MYEF2: variants seen among roughly 807,000 people sequenced by gnomAD.
MYEF2 encodes myelin gene expression factor 2.
MYEF2 carries 37 observed loss-of-function variants against 75.2 expected under a neutral mutation model. The ratio of observed to expected loss-of-function variants is 0.49; its 90% CI spans 0.38 to 0.65. MYEF2 has a LOEUF of 0.65. Ranked by LOEUF, MYEF2 falls within the 30% of genes least tolerant of loss-of-function variation. The pLI is 0.00. For synonymous variants in MYEF2, 195 were observed against 241.6 expected (o/e 0.81, Z 1.79); for missense variants, 634 against 771.4 (o/e 0.82, Z 2.11).
chr15:48,156,589 T>A (rs867251355), intron 9 of MYEF2, among the ~76,000 whole-genome samples: 3 of 151,684 alleles, frequency 2.0e-5, no homozygotes. Flanking sequence ...GTTTTACACA[T>A]AATTTCTAGC....
At chr15:48,152,021 A>G in intron 11 of MYEF2, 79 bp from the exon 12 acceptor site, 1 of 1,415,426 alleles carries the variant, frequency 7.1e-7, no homozygotes, top group Non-Finnish European at 1.0e-6. Context: ...GTTAAATCTC[A>G]CCAGTAAGCT....
Position 48,136,546 on chromosome 15 carries a change from A to G in MYEF2, c.*6362T>C, listed in dbSNP as rs1447752920. The stretch of plus-strand genomic sequence containing the variant: ...AATCAAGTCTGGACAAATCTACAAA[A>G]CAAAAAATATCTAGAAATGTTTGAT... On this transcript the variant is annotated 3_prime_UTR_variant, in exon 17 of 17. Coordinates refer to ENST00000324324, the MANE Select transcript of MYEF2 (RefSeq NM_016132.5). The G allele has an allele frequency of 1.2e-6, 1 of 821,496 alleles. No homozygotes were observed. Among genetic ancestry groups the G allele is most frequent in the Non-Finnish European group, 1.8e-6 (1 of 548,354 alleles). 50.9% of individuals were successfully genotyped at this position (821,496 alleles called of 1,614,324 possible).
In MYEF2 at chr15:48,149,766, A is replaced by C. The variant is rs992519401; in HGVS notation, c.1379-395T>G. 1.3e-5 allele frequency: 2 copies of C among 155,122 alleles called. No individual in the cohort carries two copies. The highest frequency in any genetic ancestry group is 4.8e-5 in the African/African-American group (2 of 41,452). The allele number at this position is 155,122 out of a possible 1,614,324, so 9.6% of individuals were successfully genotyped here. On this transcript the variant is annotated intron_variant, in intron 14 of 16. Coordinates refer to ENST00000324324, the MANE Select transcript of MYEF2 (RefSeq NM_016132.5). This position sits in a 1 kb window ranked among gnomAD's most constrained non-coding sequence, Gnocchi z 4.0. ...TTATTTTTATTTTCCAATAATATCA[A>C]GCATAATAATTGCTAAAATAAAGAT... is the stretch of plus-strand genomic sequence containing the variant.
rs1334720772 is a variant in MYEF2, at chr15:48,143,918, A to G, written c.1640-847T>C. 3.3e-5 allele frequency among the ~76,000 whole-genome samples: 5 copies of G among 152,208 alleles called. 1 individual carries two copies. In the South Asian group the frequency reaches 1.0e-3, roughly 32 times the overall value. On this transcript the variant is annotated intron_variant, in intron 16 of 16. Transcript: ENST00000324324. ...TTGAGAGTAAAAGGGGGAGTTATCA[A>G]TAATTACACATAAGTAACAGATGTA...
intron 5 of MYEF2, among the ~76,000 whole-genome samples, chr15:48,164,448 C>G (rs1024281074): frequency 1.3e-5 from 2 of 152,152 alleles, no homozygotes; most frequent in African/African-American, 4.8e-5. Flanking sequence ...GGAATCTACA[C>G]CTGGTGAATA....
At position 48,142,307 on chromosome 15, in the gene MYEF2, C is replaced by G. The variant is rs756901608; in HGVS notation, c.*601G>C. On this transcript the variant is annotated 3_prime_UTR_variant, in exon 17 of 17. Coordinates refer to ENST00000324324, the MANE Select transcript of MYEF2 (RefSeq NM_016132.5). ...TGCTACATTATCAGTTCTATATGAA[C>G]TTGGAATTATTGGAAATAATAAAAT... 6.2e-7 allele frequency: 1 copy of G among 1,609,770 alleles called. No homozygotes were observed. The highest frequency in any genetic ancestry group is 8.5e-7 in the Non-Finnish European group (1 of 1,177,898).
At chr15:48,155,575 A>G (rs1406360941) in intron 9 of MYEF2, among the ~76,000 whole-genome samples, 1 of 152,086 alleles carries the variant, frequency 6.6e-6, no homozygotes, top group African/African-American at 2.4e-5. Flanking sequence ...TACCCAGAAT[A>G]CTTAAGAAAA....
intron 1 of MYEF2, among the ~76,000 whole-genome samples, chr15:48,175,350 C>G (rs911676870): frequency 6.6e-6 from 1 of 152,074 alleles, no homozygotes; most frequent in African/African-American, 2.4e-5. Flanking sequence ...AGGGCACAAA[C>G]TTTCAGTTAT....
chr15:48,150,691 T>C (rs1287144569), intron 14 of MYEF2, among the ~76,000 whole-genome samples: 2 of 152,044 alleles, frequency 1.3e-5, no homozygotes, highest in African/African-American at 4.8e-5. Context: ...CTAAGAGTGC[T>C]ATATCTGCAT....
chr15:48,168,338 T>C (rs548647179), intron 2 of MYEF2, among the ~76,000 whole-genome samples: 1 of 152,076 alleles, frequency 6.6e-6, no homozygotes, highest in Non-Finnish European at 1.5e-5. Flanking sequence ...ATAGCCCTTT[T>C]AAAATCTATA....
chr15:48,165,465 T>TAGGAAA, intron 5 of MYEF2, among the ~76,000 whole-genome samples: 1 of 152,074 alleles, frequency 6.6e-6, no homozygotes, highest in Non-Finnish European at 1.5e-5. Context: ...CTAACAAAGT[T>TAGGAAA]ATAATTTTTC....
At chr15:48,158,151 T>C in intron 8 of MYEF2, 24 bp downstream of exon 8, 9 of 1,612,658 alleles carry the variant, frequency 5.6e-6, no homozygotes, top group Non-Finnish European at 7.6e-6. Flanking sequence ...AGGTTGGAGG[T>C]TGAAGTGATA....
intron 1 of MYEF2, among the ~76,000 whole-genome samples, chr15:48,174,246 T>C (rs1296139767): frequency 6.6e-6 from 1 of 151,916 alleles, no homozygotes; most frequent in Admixed American, 6.6e-5. Flanking sequence ...GAAAGGACAG[T>C]CTCTTCAAAA....
At chr15:48,152,305 T>G (rs1329121507) in intron 10 of MYEF2, 21 bp from the exon 11 acceptor site, 1 of 1,582,360 alleles carries the variant, frequency 6.3e-7, no homozygotes, top group African/African-American at 1.4e-5. Flanking sequence ...ATACACAGTA[T>G]GTACTTTAAG....
chr15:48,147,285 A>C (rs1250216398), intron 16 of MYEF2, among the ~76,000 whole-genome samples: 1 of 151,956 alleles, frequency 6.6e-6, no homozygotes, highest in Non-Finnish European at 1.5e-5. Flanking sequence ...AGCCTTGCTC[A>C]TATCTAACCT....
chr15:48,154,599 T>A (rs1035029353), intron 9 of MYEF2, among the ~76,000 whole-genome samples: 5 of 152,090 alleles, frequency 3.3e-5, no homozygotes, highest in African/African-American at 7.3e-5. Context: ...AGTGTAAACA[T>A]GAAGACTGTA....
intron 9 of MYEF2, chr15:48,157,653 A>C: frequency 1.5e-6 from 1 of 647,748 alleles, no homozygotes; most frequent in Non-Finnish European, 2.0e-6. Context: ...AAATATACAT[A>C]GCAGGCTAGA....
intron 1 of MYEF2, among the ~76,000 whole-genome samples, chr15:48,171,281 T>C (rs1348326732): frequency 6.6e-6 from 1 of 152,222 alleles, no homozygotes; most frequent in East Asian, 1.9e-4. Flanking sequence ...ATATAGTCTC[T>C]AGATTAATAC....
intron 1 of MYEF2, among the ~76,000 whole-genome samples, chr15:48,170,920 TAAAG>T (rs961423533): frequency 6.6e-6 from 1 of 152,200 alleles, no homozygotes; most frequent in Non-Finnish European, 1.5e-5. Context: ...ACTGCTAGAA[TAAAG>T]AAAGAGACAT....
Sources: gnomAD v4.1 joint callset for allele counts (sites outside exome capture counted in the v4.1 genomes callset) on GRCh38, gnomAD v4.1.1 for gene constraint, Gnocchi (gnomAD v3.1) non-coding constraint, MANE v1.5 for transcripts, NCBI Gene and HGNC (gene_info 2026-07-23, HGNC 2026-07-21) for gene names.